ZNF391: variants seen among roughly 807,000 people sequenced by gnomAD.
The protein encoded by ZNF391 is zinc finger protein 391.
For synonymous variants in ZNF391, 126 were observed against 142.1 expected (o/e 0.89, Z 0.80); for missense variants, 375 against 425.5 (o/e 0.88, Z 1.04).
chr6:27,381,026 C>A (rs961080691), intron 1 of ZNF391, among the ~76,000 whole-genome samples: 3 of 152,264 alleles, frequency 2.0e-5, no homozygotes, highest in African/African-American at 7.2e-5. Context: ...CGCACCAGGG[C>A]TGCAAGTGGA....
At chr6:27,400,245 C>T in intron 2 of ZNF391, 48 bp from the exon 3 acceptor site, 1 of 739,968 alleles carries the variant, frequency 1.4e-6, no homozygotes, top group South Asian at 2.8e-5. Context: ...ATTTTCTTTG[C>T]TCTCCATAGT....
intron 1 of ZNF391, among the ~76,000 whole-genome samples, chr6:27,399,039 A>T (rs939295946): frequency 1.3e-5 from 2 of 152,182 alleles, no homozygotes; most frequent in Non-Finnish European, 2.9e-5. Flanking sequence ...GTCAGAAGAT[A>T]GTCCAAGTTA....
At chr6:27,379,598 C>T (rs1761466708) in intron 1 of ZNF391, among the ~76,000 whole-genome samples, 1 of 106,456 alleles carries the variant, frequency 9.4e-6, no homozygotes, top group East Asian at 2.4e-4. Flanking sequence ...TCCAGGAGAA[C>T]CCAGTCACCA....
At chr6:27,399,640 AG>A (rs1362240093) in intron 2 of ZNF391, 90 bp downstream of exon 2, 8 of 152,234 alleles carry the variant, frequency 5.3e-5, no homozygotes, top group Non-Finnish European at 1.0e-4. Context: ...CATGTAGGCA[AG>A]TGACTCAATC....
chr6:27,387,253 T>G (rs942103216), upstream of ZNF391, among the ~76,000 whole-genome samples: 6 of 152,178 alleles, frequency 3.9e-5, no homozygotes, highest in East Asian at 9.6e-4. Context: ...GCACTGCTGA[T>G]GGGAATGTAA....
At chr6:27,389,560 C>T (rs1761657437) in intron 1 of ZNF391, 1 of 406,106 alleles carries the variant, frequency 2.5e-6, no homozygotes, top group Non-Finnish European at 4.7e-6. Flanking sequence ...GCCTGTAATC[C>T]CAGCACTTTG....
In ZNF391 at chr6:27,374,979, CTTT is replaced by C. The variant is rs1761390991; in HGVS notation, n.367_369del. 2 of 152,384 alleles carry C rather than the reference CTTT, an allele frequency of 1.3e-5. No homozygotes were observed. Among genetic ancestry groups the C allele is most frequent in the African/African-American group, 2.4e-5 (1 of 41,466 alleles). The allele number at this position is 152,384 out of a possible 1,614,324, so 9.4% of individuals were successfully genotyped here. The stretch of plus-strand genomic sequence containing the variant: ...GGGCGCGTCCCGGGCTCCCCTACGC[CTTT>C]TGGAATCAGCGACAGACGCAGGTAT... On this transcript the variant is annotated non_coding_transcript_exon_variant, in exon 1 of 3. Transcript: ENST00000477999. This position sits in a 1 kb window ranked among gnomAD's most constrained non-coding sequence, Gnocchi z 5.3.
chr6:27,380,124 C>T (rs932157996), intron 1 of ZNF391, among the ~76,000 whole-genome samples: 3 of 152,232 alleles, frequency 2.0e-5, no homozygotes, highest in African/African-American at 7.2e-5. Flanking sequence ...AGTAAGATCT[C>T]GTCCATGCAG....
chr6:27,382,532 G>A (rs1039721564), intron 1 of ZNF391, among the ~76,000 whole-genome samples: 6 of 152,192 alleles, frequency 3.9e-5, no homozygotes, highest in Admixed American at 1.3e-4. Context: ...AACAAGCATC[G>A]GAACCAGACT....
At position 27,399,546 on chromosome 6, in the gene ZNF391, T is replaced by C. The variant is rs1485300548; in HGVS notation, c.-83T>C. On this transcript the variant is annotated 5_prime_UTR_variant, in exon 2 of 3. Transcript: ENST00000244576. ...AGAGGGCAGTGCCCAGAAATACCTG[T>C]CTTGGTGAGTAGTGTCATAAGAAGA... 1 of 152,192 alleles carries C rather than the reference T, an allele frequency of 6.6e-6. No individual in the cohort carries two copies. Among genetic ancestry groups the C allele is most frequent in the East Asian group, 1.9e-4 (1 of 5,188 alleles). 9.4% of individuals were successfully genotyped at this position (152,192 alleles called of 1,614,324 possible). A position where few individuals can be genotyped will look rare whatever the true frequency, so the allele number is the denominator to read the frequency against.
rs1199255678 is a variant in ZNF391, at chr6:27,400,320, A to T, written c.-51A>T. On this transcript the variant is annotated 5_prime_UTR_variant, in exon 3 of 3. Transcript: ENST00000244576. ...AGGGGGATTTGAGCTGAACCAAAGC[A>T]TCAACACCAATCAGACTGTTTCCGA... 4.8e-6 allele frequency: 7 copies of T among 1,443,724 alleles called. No homozygotes were observed. The highest frequency in any genetic ancestry group is 6.6e-6 in the Non-Finnish European group (7 of 1,061,826). The allele number at this position is 1,443,724 out of a possible 1,614,324, so 89.4% of individuals were successfully genotyped here. A position where few individuals can be genotyped will look rare whatever the true frequency, so the allele number is the denominator to read the frequency against.
intron 1 of ZNF391, among the ~76,000 whole-genome samples, chr6:27,397,355 A>T (rs182343944): frequency 1.1e-4 from 17 of 152,288 alleles, no homozygotes; most frequent in Non-Finnish European, 2.5e-4. Context: ...CACCAAGAGG[A>T]TGCTGCTAAA....
chr6:27,398,215 G>A (rs6456777), intron 1 of ZNF391, among the ~76,000 whole-genome samples: 108,363 of 152,098 alleles, frequency 0.71, 38,801 homozygotes, highest in Middle Eastern at 0.82. Flanking sequence ...ATTATGCTGT[G>A]AGCAGAAATA....
chr6:27,391,013 T>C (rs1158084843), intron 1 of ZNF391: 1 of 152,148 alleles, frequency 6.6e-6, no homozygotes, highest in African/African-American at 2.4e-5. Flanking sequence ...ATAGTGTCTT[T>C]GAACTCATAC....
rs547273610 is a variant in ZNF391, at chr6:27,403,800, A to G, written c.*2353A>G. 2.6e-5 allele frequency: 4 copies of G among 152,314 alleles called. No homozygotes were observed. Among genetic ancestry groups the G allele is most frequent in the African/African-American group, 9.6e-5 (4 of 41,576 alleles). The allele number at this position is 152,314 out of a possible 1,614,324, so 9.4% of individuals were successfully genotyped here. ...TGCTGACCTCTTGGCTTTCCAATTC[A>G]TGAGACTATTGTAAAGAATAAGTGA... On this transcript the variant is annotated 3_prime_UTR_variant, in exon 3 of 3. Coordinates refer to ENST00000244576, the MANE Select transcript of ZNF391 (RefSeq NM_001076781.3).
intron 1 of ZNF391, chr6:27,389,424 C>T: frequency 2.2e-6 from 1 of 456,216 alleles, no homozygotes; most frequent in Non-Finnish European, 4.4e-6. Context: ...TTTTTACCTG[C>T]ATTAACTCAT....
rs1761991350 is a variant in ZNF391 at position 27,402,322 on chromosome 6, A to G, written c.*875A>G. 4 of 152,070 alleles carry G rather than the reference A, an allele frequency of 2.6e-5. 1 individual carries two copies. Among genetic ancestry groups the G allele is most frequent in the South Asian group, 4.2e-4 (2 of 4,806 alleles). 9.4% of individuals were successfully genotyped at this position (152,070 alleles called of 1,614,324 possible). A position where few individuals can be genotyped will look rare whatever the true frequency, so the allele number is the denominator to read the frequency against. ...ACCAATCTTGGAAGATTGATCTCTC[A>G]AGGACAAACCCAGTGCCTATTTCTC... On this transcript the variant is annotated 3_prime_UTR_variant, in exon 3 of 3. Coordinates refer to ENST00000244576, the MANE Select transcript of ZNF391 (RefSeq NM_001076781.3).
chr6:27,379,371 A>G (rs1362841439), intron 1 of ZNF391, among the ~76,000 whole-genome samples: 1 of 152,244 alleles, frequency 6.6e-6, no homozygotes, highest in Non-Finnish European at 1.5e-5. Context: ...CTAAACAAAA[A>G]TAAATATAAA....
upstream of ZNF391, among the ~76,000 whole-genome samples, chr6:27,384,571 T>C (rs1237039672): frequency 6.6e-6 from 1 of 151,938 alleles, no homozygotes; most frequent in Non-Finnish European, 1.5e-5. Flanking sequence ...CAATTTTTAA[T>C]TGACCTAAAA....
Sources: gnomAD v4.1 joint callset for allele counts (sites outside exome capture counted in the v4.1 genomes callset) on GRCh38, gnomAD v4.1.1 for gene constraint, Gnocchi (gnomAD v3.1) non-coding constraint, MANE v1.5 for transcripts, NCBI Gene and HGNC (gene_info 2026-07-23, HGNC 2026-07-21) for gene names.